The following CPQ variants were observed in gnomAD, a reference collection of about 807,000 sequenced individuals.
CPQ encodes Ser-Met dipeptidase.
Under a neutral mutation model 45.7 loss-of-function variants are expected in CPQ, and 37 were observed. The ratio of observed to expected loss-of-function variants is 0.81; its 90% CI spans 0.62 to 1.07. The LOEUF (loss-of-function observed/expected upper bound fraction) is 1.07. Ranked by LOEUF, CPQ falls within the 50% of genes least tolerant of loss-of-function variation. CPQ has a pLI of 0.00. For missense variants in CPQ, 537 were observed against 572.9 expected (o/e 0.94, Z 0.64); for synonymous variants, 186 against 205.8 (o/e 0.90, Z 0.82).
intron 2 of CPQ, among the ~76,000 whole-genome samples, chr8:96,804,327 A>C (rs1811049244): frequency 6.6e-6 from 1 of 152,138 alleles, no homozygotes; most frequent in Admixed American, 6.6e-5. Flanking sequence ...TGAGGAAAGA[A>C]GGGGAGGGAG....
At chr8:97,083,654 AATTG>A (rs1810994633) in intron 7 of CPQ, among the ~76,000 whole-genome samples, 1 of 152,188 alleles carries the variant, frequency 6.6e-6, no homozygotes, top group Non-Finnish European at 1.5e-5. Flanking sequence ...AGCCAAAGTA[AATTG>A]ATTGATTATA....
chr8:96,784,813 A>C, intron 1 of CPQ, 51 bp from the exon 2 acceptor site: 2 of 1,345,132 alleles, frequency 1.5e-6, no homozygotes, highest in Admixed American at 4.5e-5. Flanking sequence ...TTATGGGCAG[A>C]TAGCTGTGAG....
intron 3 of CPQ, among the ~76,000 whole-genome samples, chr8:96,855,461 G>A (rs1399241619): frequency 6.6e-6 from 1 of 152,118 alleles, no homozygotes; most frequent in Non-Finnish European, 1.5e-5. Flanking sequence ...TAGAAATAGG[G>A]GGATTAGCTT....
At chr8:96,683,629 A>G (rs1809181716) in intron 1 of CPQ, among the ~76,000 whole-genome samples, 1 of 152,020 alleles carries the variant, frequency 6.6e-6, no homozygotes, top group Non-Finnish European at 1.5e-5. Context: ...GTTGTTATCT[A>G]TCTCTTGCCC....
At chr8:96,751,665 G>A (rs1810263645) in intron 1 of CPQ, among the ~76,000 whole-genome samples, 1 of 152,036 alleles carries the variant, frequency 6.6e-6, no homozygotes, top group South Asian at 2.1e-4. Flanking sequence ...GTCAAGTTTT[G>A]CTTTTGTTGC....
chr8:96,719,944 C>G (rs1350637376), intron 1 of CPQ, among the ~76,000 whole-genome samples: 2 of 152,152 alleles, frequency 1.3e-5, no homozygotes, highest in Non-Finnish European at 2.9e-5. Flanking sequence ...CTGCCTGGCT[C>G]ATGGTGTAGG....
At chr8:97,092,546 A>G (rs1351581303) in intron 7 of CPQ, 4 of 152,208 alleles carry the variant, frequency 2.6e-5, no homozygotes, top group African/African-American at 9.6e-5. Flanking sequence ...ATCTTTGGCA[A>G]AGCCAACAGT....
chr8:97,008,737 T>C (rs1406685454), intron 5 of CPQ, among the ~76,000 whole-genome samples: 1 of 152,202 alleles, frequency 6.6e-6, no homozygotes, highest in Admixed American at 6.5e-5. Flanking sequence ...TCCTGATCCA[T>C]ACAACAGGAA....
intron 4 of CPQ, among the ~76,000 whole-genome samples, chr8:96,912,691 T>C (rs1207700984): frequency 6.6e-6 from 1 of 152,138 alleles, no homozygotes; most frequent in Non-Finnish European, 1.5e-5. Flanking sequence ...TTGAAGGAAA[T>C]GGTAGAGTCT....
At chr8:96,980,554 A>G (rs1217088309) in intron 5 of CPQ, among the ~76,000 whole-genome samples, 1 of 152,212 alleles carries the variant, frequency 6.6e-6, no homozygotes, top group Non-Finnish European at 1.5e-5. Context: ...TAAGCCATCA[A>G]TAATAGTAAC....
intron 1 of CPQ, among the ~76,000 whole-genome samples, chr8:96,750,281 T>C (rs1475331269): frequency 6.6e-6 from 1 of 151,970 alleles, no homozygotes; most frequent in Non-Finnish European, 1.5e-5. Context: ...TTTCAAACTA[T>C]ATTTTTCAAA....
chr8:96,711,138 A>G (rs527426147), intron 1 of CPQ, among the ~76,000 whole-genome samples: 1 of 152,086 alleles, frequency 6.6e-6, no homozygotes, highest in Non-Finnish European at 1.5e-5. Context: ...ACATCAGAAT[A>G]GCTACTCCTG....
At chr8:97,113,621 G>T (rs1372982033) in intron 7 of CPQ, among the ~76,000 whole-genome samples, 1 of 152,090 alleles carries the variant, frequency 6.6e-6, no homozygotes, top group Non-Finnish European at 1.5e-5. Context: ...CCCAGTTGAG[G>T]GTGGCTAAGG....
intron 7 of CPQ, among the ~76,000 whole-genome samples, chr8:97,131,032 C>T (rs1489520169): frequency 6.6e-6 from 1 of 152,206 alleles, no homozygotes; most frequent in Admixed American, 6.5e-5. Context: ...CATATTAGAA[C>T]ATTTAGCTAA....
chr8:96,753,274 C>A (rs1276157739), intron 1 of CPQ, among the ~76,000 whole-genome samples: 1 of 152,060 alleles, frequency 6.6e-6, no homozygotes, highest in African/African-American at 2.4e-5. Flanking sequence ...TCTGTTGATT[C>A]TTATACCACC....
At chr8:96,834,426 G>A (rs1178554847) in intron 2 of CPQ, among the ~76,000 whole-genome samples, 1 of 152,112 alleles carries the variant, frequency 6.6e-6, no homozygotes, top group Non-Finnish European at 1.5e-5. Flanking sequence ...ACTTTTTGTG[G>A]TTCTTCAGAG....
At chr8:96,814,341 G>A (rs1190431943) in intron 2 of CPQ, among the ~76,000 whole-genome samples, 5 of 151,916 alleles carry the variant, frequency 3.3e-5, no homozygotes, top group Non-Finnish European at 7.4e-5. Context: ...TAATTATTTT[G>A]GAAAGAACAT....
chr8:96,859,895 A>G (rs1167421214), intron 3 of CPQ, among the ~76,000 whole-genome samples: 3 of 152,154 alleles, frequency 2.0e-5, no homozygotes, highest in African/African-American at 7.2e-5. Flanking sequence ...TATTTATAGC[A>G]ATTACTAATA....
intron 1 of CPQ, among the ~76,000 whole-genome samples, chr8:96,650,034 G>A (rs1303436190): frequency 6.6e-6 from 1 of 152,204 alleles, no homozygotes; most frequent in East Asian, 1.9e-4. Context: ...ACAGGTATAG[G>A]CAGATATGAA....
Sources: allele counts gnomAD v4.1 joint callset (sites outside exome capture counted in the v4.1 genomes callset), GRCh38; gene constraint gnomAD v4.1.1; transcripts MANE v1.5; gene names NCBI Gene and HGNC (gene_info 2026-07-23, HGNC 2026-07-21).